Variants in CR1L observed in about 807,000 individuals in gnomAD.
CR1L encodes complement C3b/C4b receptor 1 like, also known as complement component receptor 1-like protein.
Under a neutral mutation model 62.3 loss-of-function variants are expected in CR1L, and 59 were observed. The ratio of observed to expected loss-of-function variants is 0.95; its 90% CI spans 0.77 to 1.18. CR1L has a LOEUF of 1.18. CR1L is among the 50% of genes most tolerant of loss of function. CR1L has a pLI of 0.00. For missense variants in CR1L, 700 were observed against 702.8 expected, an observed-to-expected ratio of 1.00 and a Z score of 0.04; for synonymous variants, 279 against 248.7, an observed-to-expected ratio of 1.12 and a Z score of -1.15.
chr1:207,666,595 G>A (rs191570698), intron 1 of CR1L, among the ~76,000 whole-genome samples: 6 of 152,234 alleles, frequency 3.9e-5, no homozygotes, highest in South Asian at 4.1e-4. Context: ...GCAAACTAAC[G>A]CAGGAACAGG....
At chr1:207,661,291 A>G (rs1663416975) in intron 1 of CR1L, among the ~76,000 whole-genome samples, 1 of 152,302 alleles carries the variant, frequency 6.6e-6, no homozygotes, top group African/African-American at 2.4e-5. Flanking sequence ...GTCTCTTTGT[A>G]GGTCACTAAG....
chr1:207,651,528 C>T (rs547231933), intron 1 of CR1L, among the ~76,000 whole-genome samples: 2 of 152,236 alleles, frequency 1.3e-5, no homozygotes, highest in African/African-American at 4.8e-5. Context: ...CTACTTTGGT[C>T]CTTCCACTAT....
Position 207,694,371 on chromosome 1 carries a change from C to A in CR1L, c.482C>A (p.Pro161His), listed in dbSNP as rs577262451. 3.1e-6 allele frequency: 5 copies of A among 1,613,906 alleles called. No individual in the cohort carries two copies. In the East Asian group the frequency reaches 6.7e-5, roughly 22 times the overall value. Residue 161 changes from proline (P) to histidine (H), a missense_variant, in exon 5 of 12, where the codon CCC becomes CAC. By Grantham distance (77) the Pro-to-His change is moderately conservative. Coordinates refer to ENST00000508064, the MANE Select transcript of CR1L (RefSeq NM_175710.2). Reference sequence around the variant, plus strand: ...TTCCCAGGAATTATTTGTGGGCTACCCCCCACCATCGCCAATGGAGATTTC... The same window carrying A: ...TTCCCAGGAATTATTTGTGGGCTACACCCCACCATCGCCAATGGAGATTTC... ...PVCDRIICGLPPTIANGDFTS... is the reference protein window; with the variant it reads ...PVCDRIICGLHPTIANGDFTS...
chr1:207,656,995 T>G (rs1375888904), intron 1 of CR1L: 2 of 521,270 alleles, frequency 3.8e-6, no homozygotes, highest in South Asian at 2.7e-5. Context: ...AACCTTCTTT[T>G]AAATCCATAT....
Position 207,697,543 on chromosome 1 carries a change from C to T in CR1L, c.903C>T (p.Thr301=), listed in dbSNP as rs1378002926. The part of the protein sequence containing the change: ...PPPDVLHAER[T]QRDKDNFSPG... ...CAGATGTCCTGCATGCTGAGCGTAC[C>T]CAAAGGGACAAGGACAACTTTTCAC... The change falls in exon 6 of 12, where the codon ACC becomes ACT. Residue 301 remains threonine, a synonymous_variant. Transcript: ENST00000508064. 3 of 1,613,590 alleles carry T rather than the reference C, an allele frequency of 1.9e-6. No individual in the cohort carries two copies. The highest frequency in any genetic ancestry group is 1.3e-5 in the African/African-American group (1 of 74,868).
intron 1 of CR1L, among the ~76,000 whole-genome samples, chr1:207,662,498 C>T (rs1663441627): frequency 6.6e-6 from 1 of 152,224 alleles, no homozygotes; most frequent in African/African-American, 2.4e-5. Flanking sequence ...TCAGCTCCAT[C>T]AGGTCCTTTA....
At chr1:207,689,755 T>G (rs1259935642) in intron 4 of CR1L, among the ~76,000 whole-genome samples, 1 of 152,106 alleles carries the variant, frequency 6.6e-6, no homozygotes, top group Non-Finnish European at 1.5e-5. Context: ...TTGTTGTTGT[T>G]GTTGTTAGGT....
chr1:207,686,128 C>CTTCCTTCCTCCCTCCCTCCA (rs1663903068), intron 4 of CR1L, among the ~76,000 whole-genome samples: 1 of 52,358 alleles, frequency 1.9e-5, no homozygotes, highest in Non-Finnish European at 3.8e-5. Context: ...CCCTCCCTTC[C>CTTCCTTCCTCCCTCCCTCCA]TCCCTCCCTT....
chr1:207,705,490 G>A (rs559804958), intron 9 of CR1L, among the ~76,000 whole-genome samples: 87 of 152,306 alleles, frequency 5.7e-4, no homozygotes, highest in African/African-American at 2.1e-3. Flanking sequence ...GAACAGCTAA[G>A]CCAGGTAGTG....
rs895847985 is a variant in CR1L at position 207,694,445 on chromosome 1, C to T, written c.556C>T (p.His186Tyr). The stretch of plus-strand genomic sequence containing the variant: ...TCACTATGGATCAGTGGTGACCTAC[C>T]ACTGCAATCTTGGAAGCAGAGGGAA... ...YFHYGSVVTYHCNLGSRGKKV... is the reference protein window; with the variant it reads ...YFHYGSVVTYYCNLGSRGKKV... The change falls in exon 5 of 12, where the codon CAC (histidine) becomes TAC (tyrosine). Residue 186 changes from histidine (H) to tyrosine (Y), a missense_variant. Coordinates refer to ENST00000508064, the MANE Select transcript of CR1L (RefSeq NM_175710.2). 2 of 1,613,848 alleles carry T rather than the reference C, an allele frequency of 1.2e-6. No individual in the cohort carries two copies. Among genetic ancestry groups the T allele is most frequent in the Non-Finnish European group, 1.7e-6 (2 of 1,179,910 alleles).
chr1:207,683,936 A>T lies in CR1L; in HGVS notation c.442A>T (p.Asn148Tyr). The change falls in exon 4 of 12, where the codon AAT (asparagine) becomes TAT (tyrosine). Residue 148 changes from asparagine to tyrosine, a missense_variant. Coordinates refer to ENST00000508064, the MANE Select transcript of CR1L (RefSeq NM_175710.2). Reference protein sequence around the residue: ...IISGNTVIWDNKTPVCDRIIC... With the variant: ...IISGNTVIWDYKTPVCDRIIC... ...CTCAGGCAACACTGTCATTTGGGAT[A>T]ATAAAACACCTGTTTGTGACAGTGA... 1 of 1,613,340 alleles carries T rather than the reference A, an allele frequency of 6.2e-7. No individual in the cohort carries two copies. Among genetic ancestry groups the T allele is most frequent in the Non-Finnish European group, 8.5e-7 (1 of 1,179,494 alleles).
At position 207,655,011 on chromosome 1, in the gene CR1L, CTCTT is replaced by C. The variant is rs577346021; in HGVS notation, c.97+9683_97+9686del. 4.6e-5 allele frequency among the ~76,000 whole-genome samples: 7 copies of C among 152,274 alleles called. No individual in the cohort carries two copies. The South Asian group carries it at 1.5e-3, about 32-fold the overall frequency. On this transcript the variant is annotated intron_variant, in intron 1 of 11. Coordinates refer to ENST00000508064, the MANE Select transcript of CR1L (RefSeq NM_175710.2). Reference sequence around the variant, plus strand: ...GCCAATATACGTTCAAATAGAGAAACTCTTTATTTGATTAAATTGCAGATTTATT... The same window carrying C: ...GCCAATATACGTTCAAATAGAGAAACTATTTGATTAAATTGCAGATTTATT...
At chr1:207,682,913 G>T (rs1488568854) in intron 3 of CR1L, among the ~76,000 whole-genome samples, 5 of 151,822 alleles carry the variant, frequency 3.3e-5, no homozygotes, top group Non-Finnish European at 7.4e-5. Context: ...TAAGTGTTCA[G>T]TTCTTTTTGG....
intron 11 of CR1L, among the ~76,000 whole-genome samples, chr1:207,720,158 T>A (rs2102485375): frequency 6.6e-6 from 1 of 152,314 alleles, no homozygotes; most frequent in South Asian, 2.1e-4. Flanking sequence ...TGAATTGGGC[T>A]GAACCACATA....
In CR1L at chr1:207,645,175, G is replaced by T. The variant is rs1663096257; in HGVS notation, c.-59G>T. Reference sequence around the variant, plus strand: ...GACTCAGAAGGGACTTCCCTGCTCGGCTGGCTTTCGGTTTCTCTGCTCACC... The same window carrying T: ...GACTCAGAAGGGACTTCCCTGCTCGTCTGGCTTTCGGTTTCTCTGCTCACC... On this transcript the variant is annotated 5_prime_UTR_variant, in exon 1 of 12. Coordinates refer to ENST00000508064, the MANE Select transcript of CR1L (RefSeq NM_175710.2). The T allele has an allele frequency of 1.2e-5, 19 of 1,562,182 alleles. No homozygotes were observed. The highest frequency in any genetic ancestry group is 1.5e-5 in the Non-Finnish European group (17 of 1,138,226).
In CR1L at chr1:207,708,165, T is replaced by G. The variant is rs755558834; in HGVS notation, c.1329-13T>G. 2.8e-5 allele frequency: 45 copies of G among 1,610,760 alleles called. No individual in the cohort carries two copies. Among genetic ancestry groups the G allele is most frequent in the Non-Finnish European group, 3.6e-5 (43 of 1,178,972 alleles). The stretch of plus-strand genomic sequence containing the variant: ...TATGTACAGCACAATTATTTTCCAT[T>G]TTTTGCCTTTAGGCACCGACTCATT... On this transcript the variant is annotated splice_polypyrimidine_tract_variant and intron_variant, in intron 9 of 11. Coordinates refer to ENST00000508064, the MANE Select transcript of CR1L (RefSeq NM_175710.2).
At chr1:207,679,153 ATTTTTTT>A (rs34703217) in intron 3 of CR1L, among the ~76,000 whole-genome samples, 5 of 90,302 alleles carry the variant, frequency 5.5e-5, no homozygotes, top group South Asian at 4.2e-4. Flanking sequence ...GCCCACCACC[ATTTTTTT>A]TTTTTTTTTT....
rs1664372102 is a variant in CR1L, at chr1:207,712,312, C to T, written c.1414+4049C>T. ...CCTAGGAAATATGTAGATGGAGAATCCACCAATACTAATAACTCCACACTG... is the reference window on the plus strand; with the variant it reads ...CCTAGGAAATATGTAGATGGAGAATTCACCAATACTAATAACTCCACACTG... On this transcript the variant is annotated intron_variant, in intron 10 of 11. Transcript: ENST00000508064. Among the ~76,000 whole-genome samples, 3 of 152,182 alleles carry T rather than the reference C, an allele frequency of 2.0e-5. No homozygotes were observed. The South Asian group carries it at 6.2e-4, about 32-fold the overall frequency.
intron 4 of CR1L, among the ~76,000 whole-genome samples, chr1:207,694,022 CA>C (rs1408338290): frequency 6.6e-6 from 1 of 152,002 alleles, no homozygotes; most frequent in East Asian, 1.9e-4. Flanking sequence ...AGGCTAACCT[CA>C]GTTATTAACA....
Sources: allele counts gnomAD v4.1 joint callset (sites outside exome capture counted in the v4.1 genomes callset), GRCh38; gene constraint gnomAD v4.1.1; transcripts MANE v1.5; gene names NCBI Gene and HGNC (gene_info 2026-07-23, HGNC 2026-07-21).